DDAH1: variants seen among roughly 807,000 people sequenced by gnomAD.
DDAH1 encodes dimethylarginine dimethylaminohydrolase 1, also known as N(G),N(G)-dimethylarginine dimethylaminohydrolase 1.
Under a neutral mutation model 28.8 loss-of-function variants are expected in DDAH1, and 19 were observed. That is an observed-to-expected ratio of 0.66 (90% CI 0.46 to 0.97). DDAH1 has a LOEUF of 0.97. Ranked by LOEUF, DDAH1 falls within the 50% of genes least tolerant of loss-of-function variation. The probability of loss-of-function intolerance (pLI) is 0.00; values close to 1 mark genes in which losing one functional copy is unlikely to be tolerated. For synonymous variants in DDAH1, 153 were observed against 154.4 expected, an observed-to-expected ratio of 0.99 and a Z score of 0.07; for missense variants, 326 against 375.9, an observed-to-expected ratio of 0.87 and a Z score of 1.10.
chr1:85,576,954 A>AGCCGCCGCCGCCGCCACC (rs1659626352), intron 1 of DDAH1: 2 of 142,952 alleles, frequency 1.4e-5, no homozygotes, highest in Non-Finnish European at 3.1e-5. Flanking sequence ...GTCGCAGGAC[A>AGCCGCCGCCGCCGCCACC]GCCGCCGCCG....
At chr1:85,489,798 C>G (rs957307393) in intron 2 of DDAH1, among the ~76,000 whole-genome samples, 1 of 151,980 alleles carries the variant, frequency 6.6e-6, no homozygotes, top group Non-Finnish European at 1.5e-5. Flanking sequence ...AGTTATGAAC[C>G]CCTAACATAG....
intron 1 of DDAH1, among the ~76,000 whole-genome samples, chr1:85,385,528 T>G (rs1276310165): frequency 6.6e-6 from 1 of 152,216 alleles, no homozygotes; most frequent in Non-Finnish European, 1.5e-5. Context: ...CCCATAAGTT[T>G]GGACCACAAG....
intron 2 of DDAH1, among the ~76,000 whole-genome samples, chr1:85,352,333 AC>A (rs1401279063): frequency 6.6e-6 from 1 of 152,046 alleles, no homozygotes; most frequent in Non-Finnish European, 1.5e-5. Context: ...GCCGCCTTGC[AC>A]CCCGAGCTTC....
intron 1 of DDAH1, among the ~76,000 whole-genome samples, chr1:85,408,552 A>G (rs527614468): frequency 9.8e-5 from 15 of 152,294 alleles, no homozygotes; most frequent in Admixed American, 5.2e-4. Context: ...TCATACCTGT[A>G]CATTTGAATC....
chr1:85,424,981 GAA>G (rs1429769468), intron 1 of DDAH1, among the ~76,000 whole-genome samples: 1 of 152,040 alleles, frequency 6.6e-6, no homozygotes, highest in Non-Finnish European at 1.5e-5. Flanking sequence ...GCTGTCTGTA[GAA>G]AAGAGTATCC....
At chr1:85,468,369 C>CTTG (rs1348059075), upstream of DDAH1, among the ~76,000 whole-genome samples, 2 of 152,130 alleles carry the variant, frequency 1.3e-5, no homozygotes, top group African/African-American at 4.8e-5. Flanking sequence ...AAAGACACAC[C>CTTG]CAAGCCTGGG....
chr1:85,473,269 C>G (rs1278256586), intron 2 of DDAH1, among the ~76,000 whole-genome samples: 1 of 151,896 alleles, frequency 6.6e-6, no homozygotes, highest in Non-Finnish European at 1.5e-5. Context: ...ATGGTAGTTC[C>G]CCAAACTTTT....
At chr1:85,548,702 A>C (rs1658701056) in intron 1 of DDAH1, among the ~76,000 whole-genome samples, 1 of 152,180 alleles carries the variant, frequency 6.6e-6, no homozygotes, top group Admixed American at 6.6e-5. Flanking sequence ...TTAGATTTGC[A>C]TTTCCCAAAA....
At chr1:85,497,133 C>T (rs1356943536) in intron 1 of DDAH1, among the ~76,000 whole-genome samples, 1 of 152,208 alleles carries the variant, frequency 6.6e-6, no homozygotes, top group Non-Finnish European at 1.5e-5. Flanking sequence ...TTCTTGTGAG[C>T]TCAGACTGAT....
rs182392449 is a variant in DDAH1 at position 85,398,161 on chromosome 1, C to T, written c.304-39314G>A. On this transcript the variant is annotated intron_variant, in intron 1 of 5. Coordinates refer to ENST00000284031, the MANE Select transcript of DDAH1 (RefSeq NM_012137.4). ...AGACAAAGTAGACAAAGTCTGATGT[C>T]GGCCTTGGTTTGGCTTCCTAGTGAT... Among the ~76,000 whole-genome samples the T allele has an allele frequency of 4.0e-3, 608 of 152,114 alleles. 4 individuals carry two copies. The highest frequency in any genetic ancestry group is 6.5e-3 in the Non-Finnish European group (440 of 68,002).
At chr1:85,385,333 G>A (rs1264709294) in intron 1 of DDAH1, among the ~76,000 whole-genome samples, 1 of 152,176 alleles carries the variant, frequency 6.6e-6, no homozygotes, top group African/African-American at 2.4e-5. Flanking sequence ...GGCTGGTGAA[G>A]AAGACCAGGA....
At chr1:85,372,554 G>T (rs4949899) in intron 1 of DDAH1, among the ~76,000 whole-genome samples, 19,808 of 151,816 alleles carry the variant, frequency 0.13, 1,568 homozygotes, top group South Asian at 0.29. Flanking sequence ...AATATGGTAA[G>T]CCATATTTTT....
At chr1:85,385,831 A>T (rs1651229359) in intron 1 of DDAH1, among the ~76,000 whole-genome samples, 1 of 152,226 alleles carries the variant, frequency 6.6e-6, no homozygotes, top group Non-Finnish European at 1.5e-5. Flanking sequence ...GAATGGTGCC[A>T]GCATATCCAT....
chr1:85,340,518 T>G (rs1648408982), intron 4 of DDAH1, among the ~76,000 whole-genome samples: 3 of 152,184 alleles, frequency 2.0e-5, no homozygotes, highest in Admixed American at 2.0e-4. Flanking sequence ...TTTTCTCCCT[T>G]TAAAGTCCAT....
intron 2 of DDAH1, among the ~76,000 whole-genome samples, chr1:85,476,767 C>T (rs1400085455): frequency 1.3e-5 from 2 of 152,166 alleles, no homozygotes; most frequent in African/African-American, 2.4e-5. Flanking sequence ...TAACCAGTCA[C>T]ACTCTTAGTA....
intron 1 of DDAH1, among the ~76,000 whole-genome samples, chr1:85,499,571 A>G (rs1656721901): frequency 6.6e-6 from 1 of 151,754 alleles, no homozygotes; most frequent in Non-Finnish European, 1.5e-5. Flanking sequence ...CCTACTTGGG[A>G]GGCTGAGGCA....
chr1:85,330,323 GTGGATGCACAGAGGC>G (rs1391528381), intron 4 of DDAH1, among the ~76,000 whole-genome samples: 4 of 152,196 alleles, frequency 2.6e-5, no homozygotes, highest in Non-Finnish European at 4.4e-5. Flanking sequence ...TTTCCCCTTT[GTGGATGCACAGAGGC>G]TTTGTTAAAA....
At chr1:85,544,683 T>C (rs1658567475) in intron 1 of DDAH1, among the ~76,000 whole-genome samples, 1 of 152,170 alleles carries the variant, frequency 6.6e-6, no homozygotes, top group African/African-American at 2.4e-5. Flanking sequence ...CATCAGAGAC[T>C]ATAAGACCCA....
chr1:85,321,926 T>A (rs1354808926), intron 5 of DDAH1, among the ~76,000 whole-genome samples: 1 of 152,130 alleles, frequency 6.6e-6, no homozygotes, highest in East Asian at 1.9e-4. Context: ...TATTTATATA[T>A]TTTTGGAGAC....
Sources: gnomAD v4.1 joint callset for allele counts (sites outside exome capture counted in the v4.1 genomes callset) on GRCh38, gnomAD v4.1.1 for gene constraint, MANE v1.5 for transcripts, NCBI Gene and HGNC (gene_info 2026-07-23, HGNC 2026-07-21) for gene names.